Variants in KIAA1549L observed in about 807,000 individuals in gnomAD.
KIAA1549L encodes the protein KIAA1549 like.
In KIAA1549L, 88 loss-of-function variants were observed where a neutral mutation model predicts 160.7. The observed-to-expected ratio is 0.55, with a 90% CI of 0.46 to 0.65. The LOEUF (loss-of-function observed/expected upper bound fraction) is 0.65. KIAA1549L is among the 30% of genes least tolerant of loss of function. The probability of loss-of-function intolerance (pLI) is 0.00; values close to 1 mark genes in which losing one functional copy is unlikely to be tolerated. For synonymous variants in KIAA1549L, 950 were observed against 976.7 expected (o/e 0.97, Z 0.51); for missense variants, 2,258 against 2,437.5 (o/e 0.93, Z 1.55).
intron 1 of KIAA1549L, among the ~76,000 whole-genome samples, chr11:33,444,247 A>C (rs1273845493): frequency 1.3e-5 from 2 of 152,250 alleles, no homozygotes; most frequent in Non-Finnish European, 2.9e-5. Flanking sequence ...ACTGCTTCAA[A>C]TCACTGGAAA....
intron 16 of KIAA1549L, among the ~76,000 whole-genome samples, chr11:33,634,946 A>G (rs553814703): frequency 6.6e-6 from 1 of 151,898 alleles, no homozygotes; most frequent in Non-Finnish European, 1.5e-5. Flanking sequence ...TGCTGAAAAA[A>G]TTTTTTTTAA....
At chr11:33,378,777 T>C (rs906557754) in intron 1 of KIAA1549L, among the ~76,000 whole-genome samples, 2 of 152,088 alleles carry the variant, frequency 1.3e-5, no homozygotes, top group African/African-American at 4.8e-5. Context: ...TTCAATTCCA[T>C]GACTCAGTGG....
At chr11:33,564,722 A>G (rs1357629508) in intron 8 of KIAA1549L, among the ~76,000 whole-genome samples, 1 of 152,106 alleles carries the variant, frequency 6.6e-6, no homozygotes, top group African/African-American at 2.4e-5. Flanking sequence ...CAGCTCTGCC[A>G]TTTTCTAACC....
chr11:33,625,294 A>G (rs1257054604), intron 16 of KIAA1549L, among the ~76,000 whole-genome samples: 1 of 152,078 alleles, frequency 6.6e-6, no homozygotes, highest in African/African-American at 2.4e-5. Context: ...TGGCTGGGTC[A>G]AATGGTATTT....
At chr11:33,655,364 G>A (rs1852029350) in intron 17 of KIAA1549L, among the ~76,000 whole-genome samples, 1 of 152,144 alleles carries the variant, frequency 6.6e-6, no homozygotes, top group African/African-American at 2.4e-5. Context: ...GTTGCTGAAG[G>A]ACCTAAAGTT....
intron 1 of KIAA1549L, among the ~76,000 whole-genome samples, chr11:33,525,433 G>A (rs1313759634): frequency 6.6e-6 from 1 of 152,166 alleles, no homozygotes; most frequent in Non-Finnish European, 1.5e-5. Context: ...TCCCTAGCTT[G>A]AGCCCAGGGA....
At chr11:33,416,429 C>T (rs2134095464) in intron 1 of KIAA1549L, among the ~76,000 whole-genome samples, 1 of 151,224 alleles carries the variant, frequency 6.6e-6, no homozygotes, top group South Asian at 2.1e-4. Context: ...TTCATATCTG[C>T]AGATCCAACC....
At chr11:33,595,635 G>T (rs928443218) in intron 12 of KIAA1549L, among the ~76,000 whole-genome samples, 1 of 152,168 alleles carries the variant, frequency 6.6e-6, no homozygotes, top group Non-Finnish European at 1.5e-5. Context: ...CTGACCATGG[G>T]AGTCTCTGAT....
At chr11:33,476,450 G>C (rs1315590955) in intron 1 of KIAA1549L, among the ~76,000 whole-genome samples, 2 of 152,170 alleles carry the variant, frequency 1.3e-5, no homozygotes, top group African/African-American at 4.8e-5. Flanking sequence ...CCAGAATCCA[G>C]AGCAGTTTTG....
intron 1 of KIAA1549L, among the ~76,000 whole-genome samples, chr11:33,388,981 C>T (rs910555004): frequency 6.6e-5 from 10 of 152,196 alleles, no homozygotes; most frequent in South Asian, 4.1e-4. Context: ...TTCACTCAGA[C>T]GTGGCTTTGC....
chr11:33,546,790 C>T (rs933836809), intron 3 of KIAA1549L, among the ~76,000 whole-genome samples: 14 of 152,124 alleles, frequency 9.2e-5, no homozygotes, highest in Admixed American at 3.3e-4. Context: ...TAGTACCAAC[C>T]CCTATGTCAA....
intron 8 of KIAA1549L, among the ~76,000 whole-genome samples, chr11:33,564,298 C>T (rs1293855733): frequency 6.6e-6 from 1 of 152,238 alleles, no homozygotes; most frequent in African/African-American, 2.4e-5. Flanking sequence ...ACATGCATCA[C>T]AGGCTTTCTG....
intron 1 of KIAA1549L, among the ~76,000 whole-genome samples, chr11:33,444,033 A>G (rs1851561176): frequency 6.6e-6 from 1 of 152,190 alleles, no homozygotes; most frequent in Non-Finnish European, 1.5e-5. Flanking sequence ...TAGGGTTTCC[A>G]GTAAAATATT....
chr11:33,635,104 C>G (rs1028330739), intron 16 of KIAA1549L, among the ~76,000 whole-genome samples: 1 of 152,182 alleles, frequency 6.6e-6, no homozygotes, highest in Non-Finnish European at 1.5e-5. Flanking sequence ...TCTCTCTGCT[C>G]CTGTACCATC....
Position 33,399,693 on chromosome 11 carries a change from A to C in KIAA1549L, c.238+22804A>C, listed in dbSNP as rs1004330403. ...GGGTTTATTTTGGCTTTGCACGCTGACTGATGATCTCTTCTGAGTCACCTG... is the reference window on the plus strand; with the variant it reads ...GGGTTTATTTTGGCTTTGCACGCTGCCTGATGATCTCTTCTGAGTCACCTG... On this transcript the variant is annotated intron_variant, in intron 1 of 20. Coordinates refer to ENST00000658780, the MANE Select transcript of KIAA1549L (RefSeq NM_012194.3). 2.0e-5 allele frequency among the ~76,000 whole-genome samples: 3 copies of C among 152,160 alleles called. No homozygotes were observed. The South Asian group carries it at 6.2e-4, about 31-fold the overall frequency.
chr11:33,504,520 C>T (rs1025888656), intron 1 of KIAA1549L, among the ~76,000 whole-genome samples: 3 of 151,744 alleles, frequency 2.0e-5, no homozygotes, highest in Non-Finnish European at 2.9e-5. Context: ...CAGGCTGGAG[C>T]GTAGTGAGGT....
At chr11:33,640,026 T>C (rs1309677391) in intron 16 of KIAA1549L, among the ~76,000 whole-genome samples, 1 of 152,198 alleles carries the variant, frequency 6.6e-6, no homozygotes, top group African/African-American at 2.4e-5. Flanking sequence ...ACTTACAATA[T>C]TGTTGAATTA....
chr11:33,653,153 A>C (rs1017267221), intron 17 of KIAA1549L, among the ~76,000 whole-genome samples: 4 of 152,192 alleles, frequency 2.6e-5, no homozygotes, highest in African/African-American at 9.7e-5. Context: ...TAGGGGCAAG[A>C]TATTTTGCTT....
intron 6 of KIAA1549L, among the ~76,000 whole-genome samples, chr11:33,553,226 C>T (rs1016655477): frequency 1.3e-5 from 2 of 151,954 alleles, no homozygotes; most frequent in African/African-American, 4.8e-5. Context: ...TCTCTAACTC[C>T]TGGGCTCAAG....
Sources: gnomAD v4.1 joint callset for allele counts (sites outside exome capture counted in the v4.1 genomes callset) on GRCh38, gnomAD v4.1.1 for gene constraint, MANE v1.5 for transcripts, NCBI Gene and HGNC (gene_info 2026-07-23, HGNC 2026-07-21) for gene names.